Variants in RUBCN observed in about 807,000 individuals in gnomAD.
The protein encoded by RUBCN is rubicon autophagy regulator.
RUBCN carries 74 observed loss-of-function variants against 113.2 expected under a neutral mutation model. The observed-to-expected ratio is 0.65, with a 90% CI of 0.54 to 0.79. The LOEUF (loss-of-function observed/expected upper bound fraction) is 0.79, where lower values mean the gene tolerates loss of function less well. Among genes scored for constraint, RUBCN ranks in the 30% least tolerant of loss-of-function variants. The pLI is 0.00. For synonymous variants in RUBCN, 480 were observed against 490.0 expected (o/e 0.98, Z 0.27); for missense variants, 1,109 against 1,251.7 (o/e 0.89, Z 1.72).
intron 11 of RUBCN, among the ~76,000 whole-genome samples, chr3:197,685,306 T>C (rs1239373401): frequency 6.6e-6 from 1 of 152,206 alleles, no homozygotes; most frequent in African/African-American, 2.4e-5. Flanking sequence ...TGTCCTTCAC[T>C]GCCCAGTGAA....
intron 1 of RUBCN, among the ~76,000 whole-genome samples, chr3:197,730,946 T>A (rs966342728): frequency 2.8e-5 from 4 of 145,396 alleles, no homozygotes; most frequent in Non-Finnish European, 6.0e-5. Flanking sequence ...AACACCTTAG[T>A]GAACATCTGC....
In RUBCN at chr3:197,694,416, G is replaced by A; in HGVS notation, c.1643C>T (p.Thr548Ile). The A allele has an allele frequency of 1.2e-6, 2 of 1,614,224 alleles. No individual in the cohort carries two copies. Among genetic ancestry groups the A allele is most frequent in the Non-Finnish European group, 1.7e-6 (2 of 1,180,032 alleles). Reference protein sequence around the residue: ...KIRLRRQQIRTKNLLPMYQEA... With the variant: ...KIRLRRQQIRIKNLLPMYQEA... ...CTGGTACATGGGGAGCAGGTTCTTG[G>A]TGCGGATTTGCTGGCGCCGAAGGCG... The change falls in exon 10 of 20, where the codon ACC (threonine) becomes ATC (isoleucine). Residue 548 changes from threonine (T) to isoleucine (I), a missense_variant. This residue lies in a region of RUBCN where 736 missense variants were observed against 779.6 expected (regional missense o/e 0.94). Coordinates refer to ENST00000296343, the MANE Select transcript of RUBCN (RefSeq NM_014687.4).
chr3:197,682,010 G>A, intron 14 of RUBCN, 111 bp from the exon 15 acceptor site: 1 of 844,760 alleles, frequency 1.2e-6, no homozygotes, highest in South Asian at 1.4e-5. Context: ...GGGAAGAGAG[G>A]GGAATTCACC....
upstream of RUBCN, among the ~76,000 whole-genome samples, chr3:197,739,610 GGC>G (rs1728434953): frequency 6.6e-6 from 1 of 151,580 alleles, no homozygotes; most frequent in South Asian, 2.1e-4. Context: ...GCAGGAGAAT[GGC>G]GTGATGAACC....
intron 1 of RUBCN, among the ~76,000 whole-genome samples, chr3:197,729,440 AGAC>A (rs1047170645): frequency 2.0e-5 from 3 of 151,904 alleles, no homozygotes; most frequent in African/African-American, 7.3e-5. Flanking sequence ...TTTTTAGTAG[AGAC>A]GGGGTTTCAC....
chr3:197,690,363 G>T (rs1722288954), intron 11 of RUBCN, among the ~76,000 whole-genome samples: 1 of 152,174 alleles, frequency 6.6e-6, no homozygotes, highest in Non-Finnish European at 1.5e-5. Flanking sequence ...GCTTGAAACC[G>T]GAAGGCAGAG....
chr3:197,744,657 A>C (rs1728663851), intron 1 of RUBCN, among the ~76,000 whole-genome samples: 1 of 152,240 alleles, frequency 6.6e-6, no homozygotes, highest in Admixed American at 6.5e-5. Context: ...CAGTGCAATA[A>C]GGCAAGAAAA....
chr3:197,721,218 T>C (rs1726124123), intron 1 of RUBCN, among the ~76,000 whole-genome samples: 1 of 152,206 alleles, frequency 6.6e-6, no homozygotes, highest in African/African-American at 2.4e-5. Flanking sequence ...TGTGGTAGAA[T>C]TCGGCAGTGA....
chr3:197,736,325 T>C (rs1728115894), intron 1 of RUBCN, among the ~76,000 whole-genome samples: 2 of 152,064 alleles, frequency 1.3e-5, no homozygotes, highest in South Asian at 2.1e-4. Flanking sequence ...CTCTGGCCTG[T>C]AAAACCTCAC....
chr3:197,696,353 C>T (rs1722998771), intron 8 of RUBCN, among the ~76,000 whole-genome samples: 3 of 146,148 alleles, frequency 2.1e-5, no homozygotes, highest in African/African-American at 7.7e-5. Flanking sequence ...GCCTGGGCAA[C>T]AAGAGCAAAA....
chr3:197,697,108 C>A (rs1723100845), intron 7 of RUBCN, 59 bp from the exon 8 acceptor site: 2 of 869,472 alleles, frequency 2.3e-6, no homozygotes, highest in East Asian at 2.4e-5. Context: ...CAGGTACATT[C>A]CCAACTCTGG....
rs1254396454 is a variant in RUBCN at position 197,681,990 on chromosome 3, A to G, written c.2127-91T>C. The G allele has an allele frequency of 2.1e-6, 2 of 973,578 alleles. No homozygotes were observed. The highest frequency in any genetic ancestry group is 3.6e-5 in the Admixed American group (2 of 55,830). 60.3% of individuals were successfully genotyped at this position (973,578 alleles called of 1,614,324 possible). ...AGTGAGCACACATACATACAGCTCC[A>G]GTTAAGTATGGGAAGAGAGGGGAAT... On this transcript the variant is annotated intron_variant, in intron 14 of 19. Transcript: ENST00000296343. The surrounding 1 kb of genome is among the most constrained non-coding windows in gnomAD (Gnocchi z 5.5).
intron 11 of RUBCN, among the ~76,000 whole-genome samples, chr3:197,693,246 C>T (rs939283512): frequency 1.3e-5 from 2 of 152,184 alleles, no homozygotes; most frequent in Non-Finnish European, 2.9e-5. Flanking sequence ...GAGCACCGAC[C>T]GCAAGGGCAG....
At position 197,686,796 on chromosome 3, in the gene RUBCN, T is replaced by C. The variant is rs187362376; in HGVS notation, c.1787-2579A>G. ...TGATTTTTTTGTACAAAAACAAGTA[T>C]TGTTTTGCAAAAGAACTGATTTCAG... On this transcript the variant is annotated intron_variant, in intron 11 of 19. Coordinates refer to ENST00000296343, the MANE Select transcript of RUBCN (RefSeq NM_014687.4). Among the ~76,000 whole-genome samples the C allele has an allele frequency of 9.2e-5, 14 of 152,348 alleles. No homozygotes were observed. In the East Asian group the frequency reaches 2.5e-3, roughly 27 times the overall value.
chr3:197,675,358 G>A lies in RUBCN; in HGVS notation c.2740+64C>T. On this transcript the variant is annotated intron_variant, in intron 19 of 19. Transcript: ENST00000296343. The surrounding 1 kb of genome is among the most constrained non-coding windows in gnomAD (Gnocchi z 4.4). The stretch of plus-strand genomic sequence containing the variant: ...CACCGAACTCTTGCTAACAGGGGTG[G>A]CTCTGGGGAATCAAGGAGCCCTGTG... 6.5e-7 allele frequency: 1 copy of A among 1,527,500 alleles called. No homozygotes were observed. 94.6% of individuals were successfully genotyped at this position (1,527,500 alleles called of 1,614,324 possible). A position where few individuals can be genotyped will look rare whatever the true frequency, so the allele number is the denominator to read the frequency against.
intron 2 of RUBCN, among the ~76,000 whole-genome samples, chr3:197,711,340 C>T (rs560356507): frequency 3.8e-4 from 58 of 152,138 alleles, no homozygotes; most frequent in Admixed American, 1.6e-3. Context: ...ATGGTACATA[C>T]GTACAATGGA....
At position 197,685,463 on chromosome 3, in the gene RUBCN, C is replaced by T. The variant is rs142208563; in HGVS notation, c.1787-1246G>A. Among the ~76,000 whole-genome samples the T allele has an allele frequency of 2.1e-4, 32 of 152,260 alleles. 1 individual carries two copies. The East Asian group carries it at 6.0e-3, about 28-fold the overall frequency. On this transcript the variant is annotated intron_variant, in intron 11 of 19. Coordinates refer to ENST00000296343, the MANE Select transcript of RUBCN (RefSeq NM_014687.4). The stretch of plus-strand genomic sequence containing the variant: ...GTTTCCTCTGTATGCAGATTTTTGT[C>T]TGGACAACTAGATTATAAAATCACC...
intron 1 of RUBCN, among the ~76,000 whole-genome samples, chr3:197,720,589 G>C (rs1726037603): frequency 6.6e-6 from 1 of 152,008 alleles, no homozygotes; most frequent in Non-Finnish European, 1.5e-5. Flanking sequence ...TGTATTTTTA[G>C]TTAGATGGGG....
At chr3:197,696,075 C>T (rs1336006641) in intron 8 of RUBCN, 94 bp from the exon 9 acceptor site, 1 of 1,227,494 alleles carries the variant, frequency 8.1e-7, no homozygotes, top group Non-Finnish European at 1.2e-6. Flanking sequence ...TCCCAGGTAA[C>T]TGGGAATTAG....
Sources: gnomAD v4.1 joint callset for allele counts (sites outside exome capture counted in the v4.1 genomes callset) on GRCh38, gnomAD v4.1.1 for gene constraint, gnomAD v4.1.1 regional missense constraint, Gnocchi (gnomAD v3.1) non-coding constraint, MANE v1.5 for transcripts, NCBI Gene and HGNC (gene_info 2026-07-23, HGNC 2026-07-21) for gene names.